The following HDAC9 variants were observed in gnomAD, a reference collection of about 807,000 sequenced individuals.
HDAC9 encodes the protein histone deacetylase 9.
In HDAC9, 41 loss-of-function variants were observed where a neutral mutation model predicts 139.4. The observed-to-expected ratio is 0.29, with a 90% CI of 0.23 to 0.38. The LOEUF (loss-of-function observed/expected upper bound fraction) is 0.38, where lower values mean the gene tolerates loss of function less well. Ranked by LOEUF, HDAC9 falls within the 10% of genes least tolerant of loss-of-function variation. The pLI is 1.00. For synonymous variants in HDAC9, 517 were observed against 476.2 expected, an observed-to-expected ratio of 1.09 and a Z score of -1.12; for missense variants, 1,147 against 1,297.0, an observed-to-expected ratio of 0.88 and a Z score of 1.78.
chr7:18,347,745 A>C (rs904422707), intron 1 of HDAC9, among the ~76,000 whole-genome samples: 5 of 151,888 alleles, frequency 3.3e-5, no homozygotes, highest in Non-Finnish European at 7.4e-5. Flanking sequence ...TACAAGGTGT[A>C]TGCCACCACG....
At chr7:18,648,721 AG>A (rs773227252) in intron 11 of HDAC9, 38 bp downstream of exon 11, 42 of 1,557,818 alleles carry the variant, frequency 2.7e-5, no homozygotes, top group South Asian at 5.8e-5. Context: ...TCTAACCGCC[AG>A]TTTGGAAATT....
At chr7:18,752,835 C>T (rs1788565782) in intron 14 of HDAC9, among the ~76,000 whole-genome samples, 1 of 152,138 alleles carries the variant, frequency 6.6e-6, no homozygotes, top group African/African-American at 2.4e-5. Flanking sequence ...TGTGTAGCCA[C>T]TTCTGGTAAG....
At chr7:18,504,086 G>T (rs748385570) in intron 2 of HDAC9, among the ~76,000 whole-genome samples, 1 of 152,150 alleles carries the variant, frequency 6.6e-6, no homozygotes, top group Non-Finnish European at 1.5e-5. Context: ...CATGTAGGGT[G>T]AATAAGAAAA....
At chr7:18,397,046 C>G (rs564600852) in intron 1 of HDAC9, among the ~76,000 whole-genome samples, 3 of 151,854 alleles carry the variant, frequency 2.0e-5, no homozygotes, top group Non-Finnish European at 4.4e-5. Flanking sequence ...AGATCATCGT[C>G]GACTCCTATC....
intron 6 of HDAC9, among the ~76,000 whole-genome samples, chr7:18,610,852 G>A (rs547098278): frequency 6.6e-6 from 1 of 152,172 alleles, no homozygotes; most frequent in East Asian, 1.9e-4. Flanking sequence ...CTTTGCTGCT[G>A]TGCTATTCCC....
chr7:18,707,665 G>T (rs990006970), intron 12 of HDAC9, among the ~76,000 whole-genome samples: 2 of 152,062 alleles, frequency 1.3e-5, no homozygotes, highest in African/African-American at 4.8e-5. Flanking sequence ...AATATTAACA[G>T]TTTATTCATG....
chr7:18,437,567 TC>T (rs1318376996), intron 1 of HDAC9, among the ~76,000 whole-genome samples: 3 of 149,512 alleles, frequency 2.0e-5, no homozygotes, highest in African/African-American at 7.3e-5. Context: ...ATATATATAA[TC>T]TGAAAGTTTA....
intron 2 of HDAC9, among the ~76,000 whole-genome samples, chr7:18,547,267 G>A (rs1336244623): frequency 3.3e-5 from 5 of 152,032 alleles, no homozygotes; most frequent in East Asian, 1.9e-4. Context: ...ACGGAGTCTC[G>A]CTCTGTTGCC....
intron 2 of HDAC9, among the ~76,000 whole-genome samples, chr7:18,168,885 T>G (rs879567933): frequency 0.021 from 2,164 of 104,036 alleles, 33 homozygotes; most frequent in Non-Finnish European, 0.028. Flanking sequence ...TCTTGTTTTT[T>G]TTTTTTTTTT....
intron 12 of HDAC9, among the ~76,000 whole-genome samples, chr7:18,682,823 A>G (rs1781982797): frequency 6.6e-6 from 1 of 151,964 alleles, no homozygotes; most frequent in African/African-American, 2.4e-5. Flanking sequence ...TCTAATAAAA[A>G]TACAAAAATT....
At chr7:18,965,571 G>A (rs866049044) in intron 24 of HDAC9, among the ~76,000 whole-genome samples, 3 of 152,212 alleles carry the variant, frequency 2.0e-5, no homozygotes, top group South Asian at 4.1e-4. Flanking sequence ...GAAGTGTGAC[G>A]AGAAAAGAAA....
chr7:18,102,754 C>G (rs1011498834), intron 1 of HDAC9, among the ~76,000 whole-genome samples: 1 of 152,126 alleles, frequency 6.6e-6, no homozygotes, highest in Admixed American at 6.5e-5. Context: ...AACCATGTGA[C>G]AAAGTTCTGA....
intron 25 of HDAC9, among the ~76,000 whole-genome samples, chr7:18,990,786 A>G (rs1269472134): frequency 6.6e-6 from 1 of 152,214 alleles, no homozygotes; most frequent in Non-Finnish European, 1.5e-5. Context: ...AAAGCGCAGT[A>G]TTTGGGTGGG....
intron 6 of HDAC9, among the ~76,000 whole-genome samples, chr7:18,620,561 T>G (rs868013194): frequency 2.0e-5 from 3 of 151,798 alleles, no homozygotes; most frequent in South Asian, 4.2e-4. Flanking sequence ...AATAGCAAAT[T>G]TGTACATTCA....
At chr7:18,184,839 G>T (rs185633096) in intron 2 of HDAC9, among the ~76,000 whole-genome samples, 1 of 152,102 alleles carries the variant, frequency 6.6e-6, no homozygotes, top group Non-Finnish European at 1.5e-5. Context: ...CTGTATTTTT[G>T]TGCTATTGTA....
At chr7:18,917,444 A>G (rs1176386403) in intron 22 of HDAC9, among the ~76,000 whole-genome samples, 1 of 150,414 alleles carries the variant, frequency 6.6e-6, no homozygotes, top group Admixed American at 6.8e-5. Context: ...AAAGACACGT[A>G]TATATGAAAA....
chr7:18,163,662 G>A (rs184784022), intron 2 of HDAC9, among the ~76,000 whole-genome samples: 34 of 152,118 alleles, frequency 2.2e-4, no homozygotes, highest in South Asian at 1.5e-3. Context: ...TTCTGTGAGC[G>A]GCATTGCTTA....
At chr7:18,544,032 A>G (rs1435920331) in intron 2 of HDAC9, among the ~76,000 whole-genome samples, 1 of 152,234 alleles carries the variant, frequency 6.6e-6, no homozygotes, top group Non-Finnish European at 1.5e-5. Context: ...AAGTGTGTAG[A>G]ATAACATGAT....
At chr7:18,369,318 GA>G (rs1308419048) in intron 1 of HDAC9, among the ~76,000 whole-genome samples, 3 of 151,872 alleles carry the variant, frequency 2.0e-5, no homozygotes, top group Admixed American at 6.6e-5. Context: ...TCAAATTCAA[GA>G]AAAAAGAAAT....
Sources: allele counts gnomAD v4.1 joint callset (sites outside exome capture counted in the v4.1 genomes callset), GRCh38; gene constraint gnomAD v4.1.1; transcripts MANE v1.5; gene names NCBI Gene and HGNC (gene_info 2026-07-23, HGNC 2026-07-21).